Variants in PLD5 observed in about 807,000 individuals in gnomAD.
The protein encoded by PLD5 is inactive phospholipase D5.
PLD5 carries 36 observed loss-of-function variants against 61.1 expected under a neutral mutation model. The ratio of observed to expected loss-of-function variants is 0.59; its 90% CI spans 0.45 to 0.78. The LOEUF is 0.78. PLD5 is among the 30% of genes least tolerant of loss of function. PLD5 has a pLI of 0.00. For missense variants in PLD5, 515 were observed against 644.4 expected, an observed-to-expected ratio of 0.80 and a Z score of 2.17; for synonymous variants, 243 against 242.8, an observed-to-expected ratio of 1.00 and a Z score of -0.01.
intron 1 of PLD5, among the ~76,000 whole-genome samples, chr1:242,403,331 T>C (rs1047050528): frequency 2.6e-5 from 4 of 152,142 alleles, no homozygotes; most frequent in African/African-American, 9.7e-5. Context: ...TTTTGCTTTC[T>C]CCCCAGAGAA....
At chr1:242,200,250 A>G (rs1240297758) in intron 5 of PLD5, among the ~76,000 whole-genome samples, 1 of 152,168 alleles carries the variant, frequency 6.6e-6, no homozygotes, top group Non-Finnish European at 1.5e-5. Context: ...GCCTGCGTTG[A>G]TTTCAATGGT....
At chr1:242,204,571 G>C (rs759685160) in intron 5 of PLD5, among the ~76,000 whole-genome samples, 1 of 152,096 alleles carries the variant, frequency 6.6e-6, no homozygotes, top group Non-Finnish European at 1.5e-5. Flanking sequence ...CCCTGATCTA[G>C]TGACCTAAAC....
At chr1:242,409,159 G>C (rs1366410058) in intron 1 of PLD5, among the ~76,000 whole-genome samples, 1 of 152,058 alleles carries the variant, frequency 6.6e-6, no homozygotes, top group Non-Finnish European at 1.5e-5. Context: ...ATGAGCTCTA[G>C]ACCCAACTTT....
At chr1:242,495,944 A>G (rs1040885819) in intron 1 of PLD5, among the ~76,000 whole-genome samples, 1 of 152,240 alleles carries the variant, frequency 6.6e-6, no homozygotes, top group African/African-American at 2.4e-5. Context: ...TTCATGTTTA[A>G]TTATATAACC....
chr1:242,205,680 A>G (rs142858141), intron 5 of PLD5, among the ~76,000 whole-genome samples: 3 of 152,292 alleles, frequency 2.0e-5, no homozygotes, highest in Non-Finnish European at 2.9e-5. Flanking sequence ...GTATCCAGTT[A>G]CCTGCATTAC....
intron 3 of PLD5, among the ~76,000 whole-genome samples, chr1:242,271,214 AG>A: frequency 1.1e-5 from 1 of 89,628 alleles, no homozygotes; most frequent in Middle Eastern, 5.1e-3. Context: ...AGAGAGAGAG[AG>A]AGAGAGAGAG....
chr1:242,203,805 C>T (rs1166502646), intron 5 of PLD5: 1 of 152,216 alleles, frequency 6.6e-6, no homozygotes, highest in Non-Finnish European at 1.5e-5. Context: ...TAAAGCAACG[C>T]ACAAATTAAC....
At chr1:242,450,959 C>A (rs936205418) in intron 1 of PLD5, among the ~76,000 whole-genome samples, 2 of 152,144 alleles carry the variant, frequency 1.3e-5, no homozygotes. Context: ...TGTCCCCAAG[C>A]TGGAATAAGC....
intron 5 of PLD5, among the ~76,000 whole-genome samples, chr1:242,142,648 A>G (rs1558266268): frequency 6.6e-6 from 1 of 152,216 alleles, no homozygotes. Context: ...ATGTTTCCCT[A>G]GAAAGGATTT....
chr1:242,370,428 A>G (rs763691470), intron 1 of PLD5, among the ~76,000 whole-genome samples: 4 of 152,100 alleles, frequency 2.6e-5, no homozygotes, highest in Non-Finnish European at 4.4e-5. Flanking sequence ...GGTGAGGGGA[A>G]AGAGAGATGC....
At chr1:242,126,620 A>G (rs1451524414) in intron 5 of PLD5, among the ~76,000 whole-genome samples, 1 of 152,236 alleles carries the variant, frequency 6.6e-6, no homozygotes, top group Non-Finnish European at 1.5e-5. Context: ...TAGGAGAATG[A>G]AACTGGATCC....
chr1:242,385,505 T>G (rs968735879), intron 1 of PLD5, among the ~76,000 whole-genome samples: 1 of 152,186 alleles, frequency 6.6e-6, no homozygotes, highest in African/African-American at 2.4e-5. Flanking sequence ...ATAAATAGCA[T>G]GGGCTCCCAG....
intron 2 of PLD5, among the ~76,000 whole-genome samples, chr1:242,334,173 G>A (rs542690668): frequency 4.6e-4 from 70 of 152,254 alleles, no homozygotes; most frequent in African/African-American, 1.6e-3. Flanking sequence ...GAGAAGCCCA[G>A]TGTTACCACC....
rs565602055 is a variant in PLD5 at position 242,141,863 on chromosome 1, T to C, written c.736-17198A>G. Among the ~76,000 whole-genome samples the C allele has an allele frequency of 5.9e-5, 9 of 152,390 alleles. No homozygotes were observed. The South Asian group carries it at 1.9e-3, about 32-fold the overall frequency. The stretch of plus-strand genomic sequence containing the variant: ...GATATGTAGTTTACAGAAATCCACC[T>C]GCTGCCTCTGACATTTTGTGAGTTC... On this transcript the variant is annotated intron_variant, in intron 5 of 9. Transcript: ENST00000536534.
chr1:242,283,602 A>G (rs1406074950), intron 3 of PLD5, among the ~76,000 whole-genome samples: 1 of 152,238 alleles, frequency 6.6e-6, no homozygotes, highest in Non-Finnish European at 1.5e-5. Flanking sequence ...ACATTTTTTT[A>G]TCACACGTAT....
At chr1:242,351,217 A>G (rs1052596332) in intron 1 of PLD5, among the ~76,000 whole-genome samples, 4 of 152,048 alleles carry the variant, frequency 2.6e-5, no homozygotes, top group African/African-American at 4.8e-5. Flanking sequence ...TATTCTTTCT[A>G]TCCTTATTCT....
At chr1:242,451,706 T>G (rs1002552766) in intron 1 of PLD5, among the ~76,000 whole-genome samples, 2 of 152,056 alleles carry the variant, frequency 1.3e-5, no homozygotes, top group Non-Finnish European at 2.9e-5. Context: ...GTGATCCACC[T>G]GCCTCAGCCT....
chr1:242,162,034 G>A (rs1184911555), intron 5 of PLD5, among the ~76,000 whole-genome samples: 1 of 152,052 alleles, frequency 6.6e-6, no homozygotes, highest in Non-Finnish European at 1.5e-5. Flanking sequence ...CTATTTGGTA[G>A]GCAACAAAAT....
intron 1 of PLD5, among the ~76,000 whole-genome samples, chr1:242,373,515 G>C (rs1187272326): frequency 6.6e-6 from 1 of 152,106 alleles, no homozygotes; most frequent in Admixed American, 6.5e-5. Flanking sequence ...GTTTATTGTG[G>C]CGCTATTCAC....
Sources: allele counts gnomAD v4.1 joint callset (sites outside exome capture counted in the v4.1 genomes callset), GRCh38; gene constraint gnomAD v4.1.1; transcripts MANE v1.5; gene names NCBI Gene and HGNC (gene_info 2026-07-23, HGNC 2026-07-21).